Variants in FBXW7 observed in about 807,000 individuals in gnomAD.
FBXW7 encodes the protein F-box and WD repeat domain containing 7.
In FBXW7, 11 loss-of-function variants were observed where a neutral mutation model predicts 86.3. The observed-to-expected ratio is 0.13, with a 90% CI of 0.08 to 0.21. FBXW7 has a LOEUF of 0.21. Ranked by LOEUF, FBXW7 falls within the 10% of genes least tolerant of loss-of-function variation. FBXW7 has a pLI of 1.00. For synonymous variants in FBXW7, 313 were observed against 297.9 expected (o/e 1.05, Z -0.52); for missense variants, 488 against 847.4 (o/e 0.58, Z 5.27).
chr4:152,330,946 A>G, intron 8 of FBXW7, 78 bp from the exon 9 acceptor site: 2 of 1,412,364 alleles, frequency 1.4e-6, no homozygotes, highest in Non-Finnish European at 1.9e-6. Flanking sequence ...TTCCATCTTT[A>G]TAAAGAGTAT....
At chr4:152,392,736 A>C (rs1736101909) in intron 4 of FBXW7, among the ~76,000 whole-genome samples, 2 of 152,162 alleles carry the variant, frequency 1.3e-5, no homozygotes, top group Admixed American at 1.3e-4. Flanking sequence ...ATCCTAGTGG[A>C]GTGTTAATTT....
chr4:152,499,136 A>C (rs950627435), intron 2 of FBXW7, among the ~76,000 whole-genome samples: 1 of 152,174 alleles, frequency 6.6e-6, no homozygotes, highest in Non-Finnish European at 1.5e-5. Context: ...CCCATCCTTC[A>C]GCCCTAGTAC....
At chr4:152,471,950 C>G (rs1289393354) in intron 2 of FBXW7, among the ~76,000 whole-genome samples, 2 of 147,104 alleles carry the variant, frequency 1.4e-5, no homozygotes, top group Non-Finnish European at 2.9e-5. Flanking sequence ...ATGCAAGCTA[C>G]AGTGTAGGAG....
At chr4:152,338,261 A>G (rs918739049) in intron 6 of FBXW7, among the ~76,000 whole-genome samples, 19 of 152,106 alleles carry the variant, frequency 1.2e-4, no homozygotes, top group Admixed American at 9.2e-4. Flanking sequence ...CAGAAACATC[A>G]TTTTGGGTTA....
chr4:152,442,060 G>A (rs1740941373), intron 2 of FBXW7, among the ~76,000 whole-genome samples: 1 of 152,076 alleles, frequency 6.6e-6, no homozygotes, highest in South Asian at 2.1e-4. Flanking sequence ...CAAAATTCAA[G>A]ACATTTCCAA....
chr4:152,505,357 TTCTTC>T (rs1747320474), intron 2 of FBXW7, among the ~76,000 whole-genome samples: 1 of 152,184 alleles, frequency 6.6e-6, no homozygotes. Flanking sequence ...AATTTTTTCT[TTCTTC>T]CGTAATAACC....
intron 2 of FBXW7, among the ~76,000 whole-genome samples, chr4:152,472,943 A>AT (rs1254378278): frequency 6.6e-6 from 1 of 152,206 alleles, no homozygotes; most frequent in Non-Finnish European, 1.5e-5. Context: ...TTATATAAAT[A>AT]TGTTTAAGAG....
rs1247330444 is a variant in FBXW7 at position 152,320,962 on chromosome 4, T to C, written c.*1919A>G. 2 of 157,102 alleles carry C rather than the reference T, an allele frequency of 1.3e-5. No individual in the cohort carries two copies. The allele number at this position is 157,102 out of a possible 1,614,324, so 9.7% of individuals were successfully genotyped here. A position where few individuals can be genotyped will look rare whatever the true frequency, so the allele number is the denominator to read the frequency against. ...TTTATAAGGCTTCTAGTTGTAATTA[T>C]CACAAAAGTTTTGTGGATTCTTTGA... On this transcript the variant is annotated 3_prime_UTR_variant, in exon 14 of 14. Transcript: ENST00000281708.
rs1728591746 is a variant in FBXW7 at position 152,321,975 on chromosome 4, A to G, written c.*906T>C. The G allele has an allele frequency of 4.3e-6, 1 of 232,938 alleles. No homozygotes were observed. The highest frequency in any genetic ancestry group is 2.2e-5 in the African/African-American group (1 of 45,306). 14.4% of individuals were successfully genotyped at this position (232,938 alleles called of 1,614,324 possible). ...GATGGCTCAAGTTTCAGTGGCAAAA[A>G]GTCTTTTTTCCATAACCAAACTAGA... On this transcript the variant is annotated 3_prime_UTR_variant, in exon 14 of 14. Transcript: ENST00000281708.
chr4:152,429,447 A>T (rs987488746), intron 2 of FBXW7, among the ~76,000 whole-genome samples: 2 of 152,110 alleles, frequency 1.3e-5, no homozygotes, highest in Non-Finnish European at 2.9e-5. Context: ...AATGTGTAGG[A>T]GGTCTGAGAA....
At chr4:152,492,657 ATGT>A (rs950887470) in intron 2 of FBXW7, among the ~76,000 whole-genome samples, 7 of 152,176 alleles carry the variant, frequency 4.6e-5, no homozygotes, top group African/African-American at 1.4e-4. Context: ...AAACTGGGTA[ATGT>A]TGTAAATGAA....
chr4:152,505,224 G>C (rs2149706114), intron 2 of FBXW7, among the ~76,000 whole-genome samples: 1 of 152,136 alleles, frequency 6.6e-6, no homozygotes, highest in East Asian at 1.9e-4. Context: ...TAAGCTAGCA[G>C]GACTGGAAGG....
At chr4:152,359,308 A>G (rs375955748) in intron 4 of FBXW7, among the ~76,000 whole-genome samples, 4 of 152,152 alleles carry the variant, frequency 2.6e-5, no homozygotes, top group African/African-American at 9.7e-5. Context: ...AGGTGACAAG[A>G]TAAGAAATGA....
rs2126876582 is a variant in FBXW7 at position 152,411,341 on chromosome 4, G to A, written c.463C>T (p.His155Tyr). ...GTATAGAATGGGGAGGAGAGTTGGT[G>A]AACGGGCAGGTCCACAATACTACTG... ...NSSSIVDLPV[H>Y]QLSSPFYTKT... is the part of the protein sequence containing the mutation. Residue 155 changes from histidine (H) to tyrosine (Y), a missense_variant, in exon 4 of 14, where the codon CAC becomes TAC. By Grantham distance (83) the His-to-Tyr change is moderately conservative (BLOSUM62 2). Transcript: ENST00000281708. 2 of 1,612,262 alleles carry A rather than the reference G, an allele frequency of 1.2e-6. No individual in the cohort carries two copies. The highest frequency in any genetic ancestry group is 1.7e-6 in the Non-Finnish European group (2 of 1,179,114).
chr4:152,491,854 C>T (rs910762471), intron 2 of FBXW7, among the ~76,000 whole-genome samples: 1 of 152,160 alleles, frequency 6.6e-6, no homozygotes, highest in Non-Finnish European at 1.5e-5. Flanking sequence ...CTCCCTGTCA[C>T]CTAACTCAAT....
chr4:152,473,494 A>C (rs1190587379), intron 2 of FBXW7, among the ~76,000 whole-genome samples: 1 of 152,062 alleles, frequency 6.6e-6, no homozygotes, highest in Admixed American at 6.6e-5. Flanking sequence ...ACCTGTATAT[A>C]TATTTTAAAA....
chr4:152,510,367 T>G lies in FBXW7; in HGVS notation c.-120+24574A>C, dbSNP rs975320287. The stretch of plus-strand genomic sequence containing the variant: ...TTTATTTTGATAAATACTGTCAAAC[T>G]GCTCTCCAAAAAGGCCACAAAAATG... On this transcript the variant is annotated intron_variant, in intron 2 of 13. Transcript: ENST00000281708. Among the ~76,000 whole-genome samples the G allele has an allele frequency of 5.3e-5, 8 of 152,230 alleles. No homozygotes were observed. In the East Asian group the frequency reaches 1.2e-3, roughly 22 times the overall value.
At chr4:152,491,411 A>C (rs1216254833) in intron 2 of FBXW7, among the ~76,000 whole-genome samples, 4 of 152,166 alleles carry the variant, frequency 2.6e-5, no homozygotes, top group Non-Finnish European at 5.9e-5. Context: ...AGAGGTTGAT[A>C]ATAGTTAAGC....
At chr4:152,530,453 C>T (rs1749928722) in intron 2 of FBXW7, 1 of 152,110 alleles carries the variant, frequency 6.6e-6, no homozygotes, top group Admixed American at 6.5e-5. Context: ...TACTTTTGGC[C>T]ATGATACAAA....
Sources: gnomAD v4.1 joint callset for allele counts (sites outside exome capture counted in the v4.1 genomes callset) on GRCh38, gnomAD v4.1.1 for gene constraint, MANE v1.5 for transcripts, NCBI Gene and HGNC (gene_info 2026-07-23, HGNC 2026-07-21) for gene names.